Variants in AUTS2 observed in about 807,000 individuals in gnomAD.
AUTS2 encodes autism susceptibility gene 2 protein.
Under a neutral mutation model 112.4 loss-of-function variants are expected in AUTS2, and 17 were observed. The observed-to-expected ratio is 0.15, with a 90% confidence interval of 0.10 to 0.23. AUTS2 has a LOEUF of 0.23. Ranked by LOEUF, AUTS2 falls within the 10% of genes least tolerant of loss-of-function variation. The pLI is 1.00. For synonymous variants in AUTS2, 751 were observed against 702.7 expected (o/e 1.07, Z -1.09); for missense variants, 1,510 against 1,701.6 (o/e 0.89, Z 1.98).
intron 4 of AUTS2, among the ~76,000 whole-genome samples, chr7:70,350,870 T>TTCC (rs1791719766): frequency 6.6e-6 from 1 of 152,070 alleles, no homozygotes; most frequent in Non-Finnish European, 1.5e-5. Context: ...ATCTGCCCAT[T>TTCC]TCCTCCTCCT....
At chr7:70,778,758 G>GTCTA (rs893231260) in intron 14 of AUTS2, among the ~76,000 whole-genome samples, 2 of 152,114 alleles carry the variant, frequency 1.3e-5, no homozygotes, top group African/African-American at 4.8e-5. Flanking sequence ...AAGCCTTGTG[G>GTCTA]TCTATCTTAG....
intron 4 of AUTS2, among the ~76,000 whole-genome samples, chr7:70,266,081 C>A (rs1787408571): frequency 6.6e-6 from 1 of 152,130 alleles, no homozygotes; most frequent in South Asian, 2.1e-4. Flanking sequence ...TTCTACAAAA[C>A]CTTGTACAGA....
intron 2 of AUTS2, among the ~76,000 whole-genome samples, chr7:69,952,442 T>A (rs12698822): frequency 2.6e-5 from 4 of 151,994 alleles, no homozygotes; most frequent in Admixed American, 6.6e-5. Context: ...AGTAGTAAGC[T>A]TTTTCGTTTA....
At chr7:70,275,124 G>A (rs758019269) in intron 4 of AUTS2, among the ~76,000 whole-genome samples, 5 of 152,072 alleles carry the variant, frequency 3.3e-5, no homozygotes, top group African/African-American at 4.8e-5. Flanking sequence ...ATCACACCTC[G>A]CTGCAGCCTC....
At chr7:70,004,438 TAA>T (rs3049695) in intron 2 of AUTS2, among the ~76,000 whole-genome samples, 128,449 of 138,580 alleles carry the variant, frequency 0.93, 59,663 homozygotes, top group East Asian at 0.99. Context: ...TATATATATA[TAA>T]AATGCCATAA....
At chr7:69,662,261 A>G (rs778982602) in intron 1 of AUTS2, among the ~76,000 whole-genome samples, 26 of 151,548 alleles carry the variant, frequency 1.7e-4, no homozygotes, top group Admixed American at 6.6e-5. Context: ...TTTGATAGTA[A>G]TTGCTTCCTG....
intron 4 of AUTS2, among the ~76,000 whole-genome samples, chr7:70,187,014 C>G (rs1322259217): frequency 6.6e-6 from 1 of 152,222 alleles, no homozygotes; most frequent in Non-Finnish European, 1.5e-5. Context: ...GTAGTAGAAG[C>G]AGGATTCAAA....
intron 5 of AUTS2, among the ~76,000 whole-genome samples, chr7:70,561,413 C>A (rs1466385138): frequency 6.6e-6 from 1 of 152,154 alleles, no homozygotes; most frequent in African/African-American, 2.4e-5. Context: ...TTGCTTGAGG[C>A]CAAGAGCTTG....
chr7:69,658,717 A>C (rs1401856439), intron 1 of AUTS2, among the ~76,000 whole-genome samples: 1 of 152,226 alleles, frequency 6.6e-6, no homozygotes, highest in Non-Finnish European at 1.5e-5. Context: ...TGAGCAAACT[A>C]CTGTCTGATA....
chr7:69,800,188 C>T (rs1367158773), intron 1 of AUTS2, among the ~76,000 whole-genome samples: 1 of 152,162 alleles, frequency 6.6e-6, no homozygotes, highest in African/African-American at 2.4e-5. Flanking sequence ...GTATTCCCAG[C>T]TGCCTTGTGG....
At chr7:70,236,123 T>C (rs1812314929) in intron 4 of AUTS2, among the ~76,000 whole-genome samples, 1 of 152,180 alleles carries the variant, frequency 6.6e-6, no homozygotes, top group Admixed American at 6.5e-5. Flanking sequence ...CTCACCACTT[T>C]CTCCCCAGTA....
chr7:70,205,354 A>T (rs1810517831), intron 4 of AUTS2, among the ~76,000 whole-genome samples: 1 of 152,148 alleles, frequency 6.6e-6, no homozygotes. Context: ...CCAATCTATT[A>T]TTATCTCTGT....
At chr7:69,793,097 C>T (rs1789690239) in intron 1 of AUTS2, among the ~76,000 whole-genome samples, 1 of 152,118 alleles carries the variant, frequency 6.6e-6, no homozygotes, top group Admixed American at 6.5e-5. Flanking sequence ...GAGGGCTGGG[C>T]TTTTTGCTGC....
At chr7:69,600,686 ATAT>A (rs1792351650) in intron 1 of AUTS2, among the ~76,000 whole-genome samples, 1 of 151,250 alleles carries the variant, frequency 6.6e-6, no homozygotes, top group Non-Finnish European at 1.5e-5. Flanking sequence ...GTTAATTATA[ATAT>A]TATCTATACA....
At chr7:70,047,425 C>G (rs1413277848) in intron 2 of AUTS2, among the ~76,000 whole-genome samples, 1 of 152,112 alleles carries the variant, frequency 6.6e-6, no homozygotes, top group Admixed American at 6.6e-5. Context: ...GAGACACTTT[C>G]CCTATTTTTT....
intron 4 of AUTS2, among the ~76,000 whole-genome samples, chr7:70,185,512 G>A (rs1237357298): frequency 6.6e-6 from 1 of 152,014 alleles, no homozygotes; most frequent in Non-Finnish European, 1.5e-5. Context: ...TGTGATTGCA[G>A]GAGGACATGC....
At chr7:69,717,084 A>G (rs1281411705) in intron 1 of AUTS2, among the ~76,000 whole-genome samples, 1 of 152,144 alleles carries the variant, frequency 6.6e-6, no homozygotes, top group African/African-American at 2.4e-5. Context: ...CTTAGCCATT[A>G]GTGACTGATT....
At chr7:69,808,429 AC>A (rs1205466971) in intron 1 of AUTS2, among the ~76,000 whole-genome samples, 7 of 152,214 alleles carry the variant, frequency 4.6e-5, no homozygotes, top group African/African-American at 1.7e-4. Flanking sequence ...ATGGCACTAT[AC>A]TAGTTTATTT....
At chr7:69,851,023 G>GT (rs1328411307) in intron 1 of AUTS2, among the ~76,000 whole-genome samples, 6 of 152,152 alleles carry the variant, frequency 3.9e-5, no homozygotes. Flanking sequence ...TAAGTTTTGT[G>GT]TAAGTATGAG....
Sources: gnomAD v4.1 joint callset for allele counts (sites outside exome capture counted in the v4.1 genomes callset) on GRCh38, gnomAD v4.1.1 for gene constraint, MANE v1.5 for transcripts, NCBI Gene and HGNC (gene_info 2026-07-23, HGNC 2026-07-21) for gene names.